The following XYLT1 variants were observed in gnomAD, a reference collection of about 807,000 sequenced individuals.
XYLT1 encodes the protein xylosyltransferase 1, also known as beta-D-xylosyltransferase 1.
XYLT1 carries 36 observed loss-of-function variants against 91.3 expected under a neutral mutation model. The ratio of observed to expected loss-of-function variants is 0.39; its 90% CI spans 0.30 to 0.52. The LOEUF (loss-of-function observed/expected upper bound fraction) is 0.52. Among genes scored for constraint, XYLT1 ranks in the 20% least tolerant of loss-of-function variants. The pLI is 0.68. For synonymous variants in XYLT1, 588 were observed against 532.0 expected (o/e 1.11, Z -1.45); for missense variants, 1,242 against 1,284.5 (o/e 0.97, Z 0.51).
At chr16:17,297,786 T>C (rs964523060) in intron 2 of XYLT1, among the ~76,000 whole-genome samples, 33 of 150,374 alleles carry the variant, frequency 2.2e-4, no homozygotes, top group African/African-American at 7.8e-4. Context: ...CTTTGGGAGG[T>C]CGAGGCGGGC....
chr16:17,323,157 T>C (rs1404438608), intron 2 of XYLT1, among the ~76,000 whole-genome samples: 3 of 152,210 alleles, frequency 2.0e-5, no homozygotes, highest in Admixed American at 1.3e-4. Flanking sequence ...CTGGTCTTTA[T>C]CATTTTCCAA....
chr16:17,302,895 T>C (rs2034417153), intron 2 of XYLT1, among the ~76,000 whole-genome samples: 1 of 150,916 alleles, frequency 6.6e-6, no homozygotes, highest in Non-Finnish European at 1.5e-5. Context: ...CTAGAATGGG[T>C]GAGGGGGAGA....
At chr16:17,435,499 G>A (rs1185197616) in intron 1 of XYLT1, among the ~76,000 whole-genome samples, 1 of 152,150 alleles carries the variant, frequency 6.6e-6, no homozygotes, top group South Asian at 2.1e-4. Flanking sequence ...AGAAGTGTAC[G>A]TGATGAGGGC....
chr16:17,170,623 A>T (rs2031799726), intron 5 of XYLT1, among the ~76,000 whole-genome samples: 1 of 152,194 alleles, frequency 6.6e-6, no homozygotes, highest in Non-Finnish European at 1.5e-5. Flanking sequence ...GAAAGGCTGG[A>T]GTATAAATAA....
intron 1 of XYLT1, among the ~76,000 whole-genome samples, chr16:17,400,609 G>A (rs1383957556): frequency 8.0e-6 from 1 of 124,902 alleles, no homozygotes; most frequent in East Asian, 2.5e-4. Flanking sequence ...GAAAGAGAGG[G>A]AGGGAGGGAG....
intron 5 of XYLT1, among the ~76,000 whole-genome samples, chr16:17,178,249 G>A (rs1033984334): frequency 2.6e-5 from 4 of 152,130 alleles, no homozygotes; most frequent in African/African-American, 9.7e-5. Context: ...GTCAGAAATG[G>A]CACACGAAGT....
At chr16:17,142,431 A>ATTT (rs71137975) in intron 6 of XYLT1, among the ~76,000 whole-genome samples, 2,036 of 122,702 alleles carry the variant, frequency 0.017, 98 homozygotes, top group African/African-American at 0.029. Flanking sequence ...AAATCCTGTA[A>ATTT]TTTTTTTTTT....
At chr16:17,212,196 A>G (rs1225343501) in intron 3 of XYLT1, among the ~76,000 whole-genome samples, 1 of 152,038 alleles carries the variant, frequency 6.6e-6, no homozygotes, top group Non-Finnish European at 1.5e-5. Context: ...GGAGACAAGG[A>G]CTCTGTGTTG....
At chr16:17,158,570 A>G (rs1332907048) in intron 6 of XYLT1, among the ~76,000 whole-genome samples, 1 of 152,174 alleles carries the variant, frequency 6.6e-6, no homozygotes, top group Non-Finnish European at 1.5e-5. Context: ...GCAATGAGAT[A>G]TTGGACTTGT....
intron 2 of XYLT1, among the ~76,000 whole-genome samples, chr16:17,273,333 C>A (rs2033923770): frequency 6.6e-6 from 1 of 152,186 alleles, no homozygotes; most frequent in Non-Finnish European, 1.5e-5. Flanking sequence ...TCCCCGCCTG[C>A]ATTTGTAACT....
chr16:17,169,682 T>TGGGGGGGGGGGGGGGGGGGGG (rs2031780724), intron 5 of XYLT1, among the ~76,000 whole-genome samples: 1 of 128,726 alleles, frequency 7.8e-6, no homozygotes, highest in Non-Finnish European at 1.7e-5. Flanking sequence ...GCGGGGAGGG[T>TGGGGGGGGGGGGGGGGGGGGG]GGGGATCGTG....
In XYLT1 at chr16:17,284,763, C is replaced by T. The variant is rs116797705; in HGVS notation, c.403-25265G>A. On this transcript the variant is annotated intron_variant, in intron 2 of 11. Transcript: ENST00000261381. The stretch of plus-strand genomic sequence containing the variant: ...CACCACTACACTACAGCCTGAGTGA[C>T]GGAGTGAGACTCTGTCTCTAAAAAT... Among the ~76,000 whole-genome samples the T allele has an allele frequency of 8.3e-3, 1,264 of 152,288 alleles. 22 individuals are homozygous for T. The highest frequency in any genetic ancestry group is 0.028 in the African/African-American group (1,182 of 41,550).
In XYLT1 at chr16:17,364,572, G is replaced by T. The variant is rs892676370; in HGVS notation, c.364-6522C>A. 2.0e-5 allele frequency among the ~76,000 whole-genome samples: 3 copies of T among 152,160 alleles called. No homozygotes were observed. In the South Asian group the frequency reaches 6.2e-4, roughly 32 times the overall value. ...CAAGTCTTCTGAACTGCAAGTTACC[G>T]TAGATACGAGTGCAACCTATGTCAC... On this transcript the variant is annotated intron_variant, in intron 1 of 11. Coordinates refer to ENST00000261381, the MANE Select transcript of XYLT1 (RefSeq NM_022166.4).
chr16:17,135,247 T>TGTTCCTTTAGACA (rs1396829082), intron 8 of XYLT1, among the ~76,000 whole-genome samples: 1 of 152,210 alleles, frequency 6.6e-6, no homozygotes, highest in Non-Finnish European at 1.5e-5. Flanking sequence ...GGGTGGTGGC[T>TGTTCCTTTAGACA]GTTCCTTTAG....
intron 2 of XYLT1, among the ~76,000 whole-genome samples, chr16:17,328,850 A>T (rs1036294921): frequency 1.3e-5 from 2 of 152,140 alleles, no homozygotes; most frequent in Non-Finnish European, 2.9e-5. Flanking sequence ...AGTTTAGAAA[A>T]ATTCCTTAAA....
In XYLT1 at chr16:17,106,006, G is replaced by T. The variant is rs1966768979; in HGVS notation, c.*2689C>A. 6.6e-6 allele frequency: 1 copy of T among 152,120 alleles called. No homozygotes were observed. Among genetic ancestry groups the T allele is most frequent in the Non-Finnish European group, 1.5e-5 (1 of 68,030 alleles). The allele number at this position is 152,120 out of a possible 1,614,324, so 9.4% of individuals were successfully genotyped here. A position where few individuals can be genotyped will look rare whatever the true frequency, so the allele number is the denominator to read the frequency against. The stretch of plus-strand genomic sequence containing the variant: ...TATTAATTAATAACATCAGAGAAGG[G>T]AGAGGAATACCCTGTGTGACTTCTC... On this transcript the variant is annotated 3_prime_UTR_variant, in exon 12 of 12. Transcript: ENST00000261381.
chr16:17,335,608 C>T (rs112123609), intron 2 of XYLT1, among the ~76,000 whole-genome samples: 2 of 150,904 alleles, frequency 1.3e-5, no homozygotes, highest in Non-Finnish European at 2.9e-5. Context: ...GCAGGAGAAT[C>T]GCTTTAACCC....
At position 17,284,632 on chromosome 16, in the gene XYLT1, C is replaced by T. The variant is rs77231079; in HGVS notation, c.403-25134G>A. ...GCAGGAATGGTAAAAGCAAAACTCT[C>T]ACAGCTGGGGATGGTGCTGTGCACC... On this transcript the variant is annotated intron_variant, in intron 2 of 11. Coordinates refer to ENST00000261381, the MANE Select transcript of XYLT1 (RefSeq NM_022166.4). Among the ~76,000 whole-genome samples, 901 of 152,278 alleles carry T rather than the reference C, an allele frequency of 5.9e-3. 28 individuals carry two copies. Among genetic ancestry groups the T allele is most frequent in the Admixed American group, 0.045 (683 of 15,292 alleles).
intron 6 of XYLT1, among the ~76,000 whole-genome samples, chr16:17,151,004 C>A (rs2031268435): frequency 6.6e-6 from 1 of 152,172 alleles, no homozygotes; most frequent in African/African-American, 2.4e-5. Context: ...CAGAACCTCA[C>A]TTCATAGGGG....
Sources: allele counts gnomAD v4.1 joint callset (sites outside exome capture counted in the v4.1 genomes callset), GRCh38; gene constraint gnomAD v4.1.1; transcripts MANE v1.5; gene names NCBI Gene and HGNC (gene_info 2026-07-23, HGNC 2026-07-21).